Variants in ATE1 observed in about 807,000 individuals in gnomAD.
The protein encoded by ATE1 is arginyl-tRNA--protein transferase 1.
In ATE1, 36 loss-of-function variants were observed where a neutral mutation model predicts 70.5. The ratio of observed to expected loss-of-function variants is 0.51; its 90% confidence interval spans 0.39 to 0.67. ATE1 has a LOEUF of 0.67. Ranked by LOEUF, ATE1 falls within the 30% of genes least tolerant of loss-of-function variation. The pLI is 0.00. For synonymous variants in ATE1, 232 were observed against 219.3 expected (o/e 1.06, Z -0.51); for missense variants, 593 against 629.5 (o/e 0.94, Z 0.62).
chr10:121,745,539 AC>A (rs1267142761), intron 11 of ATE1, among the ~76,000 whole-genome samples: 1 of 151,758 alleles, frequency 6.6e-6, no homozygotes, highest in Non-Finnish European at 1.5e-5. Context: ...ACACGGTGAA[AC>A]CCCGTCTCTA....
intron 3 of ATE1, among the ~76,000 whole-genome samples, chr10:121,920,197 A>AAAG (rs1951823261): frequency 6.6e-6 from 1 of 152,136 alleles, no homozygotes; most frequent in Admixed American, 6.6e-5. Flanking sequence ...TATCAAAAAA[A>AAAG]AAGGTTCAGG....
chr10:121,749,220 CAG>C (rs767134330), intron 11 of ATE1, among the ~76,000 whole-genome samples: 2 of 152,150 alleles, frequency 1.3e-5, no homozygotes, highest in African/African-American at 2.4e-5. Context: ...ACAAAATCCT[CAG>C]TACTCAGGTA....
chr10:121,786,167 G>C (rs1202093374), intron 11 of ATE1, among the ~76,000 whole-genome samples: 3 of 145,942 alleles, frequency 2.1e-5, no homozygotes, highest in African/African-American at 7.5e-5. Context: ...GGGAATCATA[G>C]GATAGTGCTT....
chr10:121,776,823 T>C (rs1369044862), intron 11 of ATE1, among the ~76,000 whole-genome samples: 8 of 152,190 alleles, frequency 5.3e-5, no homozygotes, highest in East Asian at 3.8e-4. Flanking sequence ...AGTTGAGAGT[T>C]TGGAAAACAC....
chr10:121,775,791 TC>T (rs1361510430), intron 11 of ATE1, among the ~76,000 whole-genome samples: 5 of 152,196 alleles, frequency 3.3e-5, no homozygotes, highest in Non-Finnish European at 5.9e-5. Flanking sequence ...GTCAGCACCT[TC>T]TGTAGTTTGA....
At chr10:121,827,851 C>A (rs1948088211) in intron 10 of ATE1, among the ~76,000 whole-genome samples, 1 of 152,028 alleles carries the variant, frequency 6.6e-6, no homozygotes, top group African/African-American at 2.4e-5. Context: ...AAACAATGAA[C>A]AATAAAACCA....
At chr10:121,753,110 G>C (rs545486118) in intron 11 of ATE1, among the ~76,000 whole-genome samples, 2 of 152,204 alleles carry the variant, frequency 1.3e-5, no homozygotes, top group South Asian at 2.1e-4. Flanking sequence ...TGTTGTAAAC[G>C]CAACTGTTGA....
intron 3 of ATE1, among the ~76,000 whole-genome samples, chr10:121,918,064 T>G (rs114481967): frequency 0.015 from 2,253 of 152,258 alleles, 57 homozygotes; most frequent in African/African-American, 0.05. Flanking sequence ...CTGGGCCCAG[T>G]GGCTCAACGC....
intron 11 of ATE1, among the ~76,000 whole-genome samples, chr10:121,783,528 CA>C (rs201167488): frequency 0.31 from 18,365 of 58,302 alleles, 1,418 homozygotes; most frequent in Admixed American, 0.4. Context: ...GTCTAACTGG[CA>C]GCACTTTTTT....
intron 11 of ATE1, among the ~76,000 whole-genome samples, chr10:121,748,356 C>A (rs557394200): frequency 6.6e-6 from 1 of 152,084 alleles, no homozygotes. Context: ...TAATTTACAT[C>A]AATTATTTTA....
chr10:121,913,056 T>C (rs909763495), intron 4 of ATE1, among the ~76,000 whole-genome samples: 13 of 152,128 alleles, frequency 8.5e-5, no homozygotes, highest in African/African-American at 3.1e-4. Context: ...ATTTTTTGTA[T>C]TTTTAGTAGA....
At chr10:121,928,286 C>T, upstream of ATE1, 1 of 1,486,630 alleles carries the variant, frequency 6.7e-7, no homozygotes, top group South Asian at 1.3e-5. Context: ...TGCCCTTTCC[C>T]CCGCCGAGGG....
chr10:121,809,213 G>A (rs1294819594), intron 10 of ATE1, among the ~76,000 whole-genome samples: 3 of 151,988 alleles, frequency 2.0e-5, no homozygotes, highest in African/African-American at 7.2e-5. Context: ...AGTGTCAGCT[G>A]TTTTCCTTGA....
At chr10:121,863,770 CA>C (rs1323632943) in intron 8 of ATE1, among the ~76,000 whole-genome samples, 2 of 152,226 alleles carry the variant, frequency 1.3e-5, no homozygotes, top group East Asian at 3.9e-4. Context: ...CCACTACGCC[CA>C]GATAATTTTT....
At chr10:121,819,514 C>T (rs751764668) in intron 10 of ATE1, among the ~76,000 whole-genome samples, 3 of 151,652 alleles carry the variant, frequency 2.0e-5, no homozygotes, top group Admixed American at 6.6e-5. Flanking sequence ...ACCATCCTGG[C>T]TAACATGGTG....
intron 1 of ATE1, among the ~76,000 whole-genome samples, chr10:121,924,636 G>A (rs977254059): frequency 6.0e-5 from 9 of 150,082 alleles, no homozygotes; most frequent in Admixed American, 2.7e-4. Flanking sequence ...GGAGGCGGAG[G>A]TTGCAGTGAG....
chr10:121,770,734 T>TAA (rs57921362), intron 11 of ATE1, among the ~76,000 whole-genome samples: 34 of 140,832 alleles, frequency 2.4e-4, no homozygotes, highest in East Asian at 1.0e-3. Flanking sequence ...TTTCCTTAAC[T>TAA]AAAAAAAAAA....
chr10:121,869,282 C>T (rs117945114), intron 8 of ATE1, among the ~76,000 whole-genome samples: 199 of 152,330 alleles, frequency 1.3e-3, no homozygotes, highest in Non-Finnish European at 2.1e-3. Flanking sequence ...TACCCGGTTT[C>T]GGTTCTAAGT....
chr10:121,795,159 A>T (rs539548845), intron 10 of ATE1, among the ~76,000 whole-genome samples: 1 of 152,282 alleles, frequency 6.6e-6, no homozygotes, highest in East Asian at 1.9e-4. Flanking sequence ...GAGGCACAAC[A>T]ATCGCTTGAG....
Sources: allele counts gnomAD v4.1 joint callset (sites outside exome capture counted in the v4.1 genomes callset), GRCh38; gene constraint gnomAD v4.1.1; transcripts MANE v1.5; gene names NCBI Gene and HGNC (gene_info 2026-07-23, HGNC 2026-07-21).